Variants in CBL observed in about 807,000 individuals in gnomAD.
CBL encodes the protein Cbl proto-oncogene.
Under a neutral mutation model 96.9 loss-of-function variants are expected in CBL, and 45 were observed. That is an observed-to-expected ratio of 0.46 (90% CI 0.37 to 0.60). The LOEUF (loss-of-function observed/expected upper bound fraction) is 0.60. Ranked by LOEUF, CBL falls within the 20% of genes least tolerant of loss-of-function variation. CBL has a pLI of 0.00. For synonymous variants in CBL, 420 were observed against 426.8 expected (o/e 0.98, Z 0.20); for missense variants, 1,024 against 1,143.5 (o/e 0.90, Z 1.51).
chr11:119,296,071 C>G (rs968921307), intron 12 of CBL, among the ~76,000 whole-genome samples: 21 of 152,146 alleles, frequency 1.4e-4, no homozygotes, highest in Non-Finnish European at 2.1e-4. Context: ...CTTCTATGTT[C>G]TGTGTTAAGT....
chr11:119,207,179 CAT>C (rs750184997), intron 1 of CBL, among the ~76,000 whole-genome samples: 96 of 152,176 alleles, frequency 6.3e-4, no homozygotes, highest in Admixed American at 1.6e-3. Flanking sequence ...AGATAAAAGA[CAT>C]ATTGATGTTT....
At chr11:119,283,884 G>A (rs1022152903) in intron 9 of CBL, among the ~76,000 whole-genome samples, 4 of 151,758 alleles carry the variant, frequency 2.6e-5, no homozygotes, top group South Asian at 2.1e-4. Flanking sequence ...TGATCCACCC[G>A]CCTCAGCCTC....
intron 2 of CBL, among the ~76,000 whole-genome samples, chr11:119,233,899 A>G (rs1045962731): frequency 9.2e-5 from 14 of 152,208 alleles, no homozygotes; most frequent in Non-Finnish European, 1.8e-4. Context: ...TTCAATTAAA[A>G]TTTTATGCAC....
intron 12 of CBL, among the ~76,000 whole-genome samples, chr11:119,293,529 CTTG>C (rs1950043960): frequency 6.6e-6 from 1 of 152,094 alleles, no homozygotes; most frequent in African/African-American, 2.4e-5. Flanking sequence ...CTGCTTTCTG[CTTG>C]TTTTCTCAAA....
chr11:119,221,350 A>G (rs1421147415), intron 1 of CBL, among the ~76,000 whole-genome samples: 1 of 152,084 alleles, frequency 6.6e-6, no homozygotes, highest in African/African-American at 2.4e-5. Context: ...CTAGGAGTTC[A>G]AGACCAGTCT....
At chr11:119,220,582 G>C (rs562724889) in intron 1 of CBL, among the ~76,000 whole-genome samples, 1 of 152,316 alleles carries the variant, frequency 6.6e-6, no homozygotes, top group South Asian at 2.1e-4. Flanking sequence ...GTGGGCGACA[G>C]AGTGAGACCC....
intron 1 of CBL, among the ~76,000 whole-genome samples, chr11:119,226,439 C>G (rs917165354): frequency 6.6e-6 from 1 of 152,034 alleles, no homozygotes; most frequent in African/African-American, 2.4e-5. Flanking sequence ...GTTAAAAGAA[C>G]TAAGGCTCAG....
chr11:119,250,092 A>G (rs1196873374), intron 2 of CBL, among the ~76,000 whole-genome samples: 1 of 151,960 alleles, frequency 6.6e-6, no homozygotes, highest in Non-Finnish European at 1.5e-5. Flanking sequence ...GACATCGTTA[A>G]TCTTACCTTG....
intron 1 of CBL, among the ~76,000 whole-genome samples, chr11:119,207,737 G>A (rs1592365391): frequency 6.6e-6 from 1 of 152,076 alleles, no homozygotes; most frequent in East Asian, 1.9e-4. Context: ...TTCATATTGC[G>A]TATGAAAAGT....
At chr11:119,257,257 A>G (rs1949718803) in intron 2 of CBL, among the ~76,000 whole-genome samples, 1 of 152,200 alleles carries the variant, frequency 6.6e-6, no homozygotes, top group African/African-American at 2.4e-5. Flanking sequence ...CACTATGTAC[A>G]CATCAGCATC....
Position 119,298,391 on chromosome 11 carries a change from C to T in CBL, c.2285C>T (p.Thr762Ile). The change falls in exon 15 of 16, where the codon ACT (threonine) becomes ATT (isoleucine). Residue 762 changes from threonine (T) to isoleucine (I), a missense_variant. By Grantham distance (89) the Thr-to-Ile change is moderately conservative (BLOSUM62 -1). Coordinates refer to ENST00000264033, the MANE Select transcript of CBL (RefSeq NM_005188.4). The part of the protein sequence containing the change: ...EGNLAAAHAN[T>I]GPEESENEDD... ...AATTTGGCCGCAGCCCATGCCAACA[C>T]TGGTCCCGAGGAGTCAGAAAATGAG... The T allele has an allele frequency of 6.2e-7, 1 of 1,614,228 alleles. No homozygotes were observed. Among genetic ancestry groups the T allele is most frequent in the Non-Finnish European group, 8.5e-7 (1 of 1,180,038 alleles).
At chr11:119,278,425 G>C in intron 8 of CBL, 85 bp from the exon 9 acceptor site, 2 of 1,527,928 alleles carry the variant, frequency 1.3e-6, no homozygotes, top group South Asian at 1.1e-5. Context: ...ACTTTTTTTT[G>C]ATCTCTAGGA....
At chr11:119,235,732 T>G (rs977852543) in intron 2 of CBL, among the ~76,000 whole-genome samples, 4 of 152,240 alleles carry the variant, frequency 2.6e-5, no homozygotes, top group African/African-American at 9.6e-5. Flanking sequence ...CTCAACTATA[T>G]CTAATTTGCC....
At chr11:119,228,757 T>C (rs1949478483) in intron 1 of CBL, among the ~76,000 whole-genome samples, 1 of 151,570 alleles carries the variant, frequency 6.6e-6, no homozygotes, top group Non-Finnish European at 1.5e-5. Flanking sequence ...CTGGAGTAGC[T>C]GAGACTTACA....
chr11:119,300,341 A>AAT lies in CBL; in HGVS notation c.*560_*561insAT, dbSNP rs56722042. On this transcript the variant is annotated 3_prime_UTR_variant, in exon 16 of 16. Coordinates refer to ENST00000264033, the MANE Select transcript of CBL (RefSeq NM_005188.4). ...TCAACACTCCCCTTTGGCTTATATTACCATGTGCATAGCTAAAGTCTTCTA... is the reference window on the plus strand; with the variant it reads ...TCAACACTCCCCTTTGGCTTATATTAATCCATGTGCATAGCTAAAGTCTTCTA... The AAT allele has an allele frequency of 0.26, 105,830 of 409,830 alleles. 14,217 individuals carry two copies. Among genetic ancestry groups the AAT allele is most frequent in the East Asian group, 0.39 (11,032 of 28,606 alleles). The allele number at this position is 409,830 out of a possible 1,614,324, so 25.4% of individuals were successfully genotyped here.
At chr11:119,208,856 T>C (rs1487445480) in intron 1 of CBL, among the ~76,000 whole-genome samples, 1 of 152,254 alleles carries the variant, frequency 6.6e-6, no homozygotes, top group African/African-American at 2.4e-5. Context: ...TTTGATTTAT[T>C]CTGCAGAATG....
At chr11:119,231,387 A>T in intron 1 of CBL, among the ~76,000 whole-genome samples, 1 of 151,890 alleles carries the variant, frequency 6.6e-6, no homozygotes, top group Middle Eastern at 3.2e-3. Context: ...AGCCTGGGCA[A>T]AAAGAGCAAA....
intron 1 of CBL, among the ~76,000 whole-genome samples, chr11:119,212,199 G>A (rs1936819805): frequency 6.6e-6 from 1 of 152,008 alleles, no homozygotes; most frequent in African/African-American, 2.4e-5. Context: ...ACCACGCCCA[G>A]CCTTTATTTT....
chr11:119,222,237 TGTTAGAAAA>T (rs1273138513), intron 1 of CBL, among the ~76,000 whole-genome samples: 2 of 152,206 alleles, frequency 1.3e-5, no homozygotes, highest in Non-Finnish European at 2.9e-5. Flanking sequence ...GATTCCTTAG[TGTTAGAAAA>T]GATTCTGTAT....
Sources: allele counts gnomAD v4.1 joint callset (sites outside exome capture counted in the v4.1 genomes callset), GRCh38; gene constraint gnomAD v4.1.1; transcripts MANE v1.5; gene names NCBI Gene and HGNC (gene_info 2026-07-23, HGNC 2026-07-21).